Variants in SLC9A4 observed in about 807,000 individuals in gnomAD.
The protein encoded by SLC9A4 is sodium/hydrogen exchanger 4.
In SLC9A4, 63 loss-of-function variants were observed where a neutral mutation model predicts 67.4. That is an observed-to-expected ratio of 0.93 (90% confidence interval 0.76 to 1.15). SLC9A4 has a LOEUF of 1.15. Among genes scored for constraint, SLC9A4 ranks in the 50% most tolerant of loss-of-function variants. The pLI, the probability that SLC9A4 is intolerant of heterozygous loss-of-function variation, is 0.00. For synonymous variants in SLC9A4, 393 were observed against 367.2 expected (o/e 1.07, Z -0.80); for missense variants, 1,089 against 987.7 (o/e 1.10, Z -1.38).
At chr2:102,518,859 GAAAC>G (rs535926347) in intron 8 of SLC9A4, among the ~76,000 whole-genome samples, 18 of 152,156 alleles carry the variant, frequency 1.2e-4, no homozygotes, top group East Asian at 7.7e-4. Flanking sequence ...GCTGAGGCTA[GAAAC>G]AAACAAACAA....
At position 102,473,777 on chromosome 2, in the gene SLC9A4, C is replaced by A; in HGVS notation, c.18C>A (p.Phe6Leu). The A allele has an allele frequency of 6.2e-7, 1 of 1,613,888 alleles. No homozygotes were observed. ...CCACAGGAATGGCTCTGCAGATGTT[C>A]GTGACTTACAGTCCTTGGAATTGTT... The part of the protein sequence containing the change: MALQM[F>L]VTYSPWNCLL... Residue 6 changes from phenylalanine (F) to leucine (L), a missense_variant, in exon 1 of 12, where the codon TTC (phenylalanine) becomes TTA (leucine). Coordinates refer to ENST00000295269, the MANE Select transcript of SLC9A4 (RefSeq NM_001011552.4).
Position 102,533,203 on chromosome 2 carries a change from T to C in SLC9A4, c.*515T>C, listed in dbSNP as rs1424176252. The C allele has an allele frequency of 6.5e-6, 1 of 154,832 alleles. No individual in the cohort carries two copies. The highest frequency in any genetic ancestry group is 1.9e-4 in the East Asian group (1 of 5,380). 9.6% of individuals were successfully genotyped at this position (154,832 alleles called of 1,614,324 possible). On this transcript the variant is annotated 3_prime_UTR_variant, in exon 12 of 12. Transcript: ENST00000295269. ...TGAAACTAATTTGATTTTGATTTCA[T>C]ATTCAATATGCAATAATTATGTTCT... is the stretch of plus-strand genomic sequence containing the variant.
intron 7 of SLC9A4, 130 bp downstream of exon 7, chr2:102,512,403 G>A: frequency 1.1e-6 from 1 of 909,138 alleles, no homozygotes; most frequent in East Asian, 2.6e-5. Flanking sequence ...TCCCCTACAG[G>A]AAGTGGTTGA....
At chr2:102,522,152 C>A (rs1042518356) in intron 9 of SLC9A4, among the ~76,000 whole-genome samples, 1 of 152,222 alleles carries the variant, frequency 6.6e-6, no homozygotes, top group Non-Finnish European at 1.5e-5. Context: ...AAACTGGCTT[C>A]AGCCCAGACC....
chr2:102,506,190 T>C (rs1685047107), intron 4 of SLC9A4, among the ~76,000 whole-genome samples: 1 of 152,236 alleles, frequency 6.6e-6, no homozygotes, highest in South Asian at 2.1e-4. Context: ...ATGATTTATC[T>C]TGTACATTTA....
chr2:102,516,092 T>C (rs752619638), intron 8 of SLC9A4, among the ~76,000 whole-genome samples: 1 of 152,204 alleles, frequency 6.6e-6, no homozygotes, highest in Non-Finnish European at 1.5e-5. Flanking sequence ...AAAGCATATT[T>C]TGAATTTTTG....
chr2:102,496,677 T>A (rs1684816750), intron 2 of SLC9A4, among the ~76,000 whole-genome samples: 1 of 152,232 alleles, frequency 6.6e-6, no homozygotes. Context: ...GAATGTTGTA[T>A]AAATCTGTCT....
At chr2:102,476,978 T>C (rs1243313549) in intron 1 of SLC9A4, among the ~76,000 whole-genome samples, 2 of 152,184 alleles carry the variant, frequency 1.3e-5, no homozygotes. Flanking sequence ...GTGATAATTA[T>C]ACCCTGTTGT....
intron 8 of SLC9A4, among the ~76,000 whole-genome samples, chr2:102,517,153 C>T (rs1685291213): frequency 2.0e-5 from 3 of 152,172 alleles, no homozygotes; most frequent in Non-Finnish European, 2.9e-5. Context: ...AGCCACTCAT[C>T]ACTCATTCCA....
At chr2:102,528,538 T>C (rs1245410521) in intron 11 of SLC9A4, among the ~76,000 whole-genome samples, 1 of 152,128 alleles carries the variant, frequency 6.6e-6, no homozygotes, top group East Asian at 1.9e-4. Flanking sequence ...ATGCTAGGAT[T>C]ATAGGTGTGA....
At chr2:102,529,562 A>T (rs1434351951) in intron 11 of SLC9A4, among the ~76,000 whole-genome samples, 1 of 152,236 alleles carries the variant, frequency 6.6e-6, no homozygotes, top group Non-Finnish European at 1.5e-5. Flanking sequence ...TGATACATTT[A>T]AAAAGGATTA....
At position 102,479,218 on chromosome 2, in the gene SLC9A4, A is replaced by G. The variant is rs1409719126; in HGVS notation, c.636A>G (p.Leu212=). The change falls in exon 2 of 12, where the codon CTA becomes CTG. Residue 212 remains leucine, a synonymous_variant. Coordinates refer to ENST00000295269, the MANE Select transcript of SLC9A4 (RefSeq NM_001011552.4). ...CCGCCGTGGACCCAGTGGCCGTGCT[A>G]GCCGTGTTTGAGGAAGCGCGCGTGA... ...LISAVDPVAV[L]AVFEEARVNE... 6.2e-7 allele frequency: 1 copy of G among 1,614,158 alleles called. No individual in the cohort carries two copies. The highest frequency in any genetic ancestry group is 8.5e-7 in the Non-Finnish European group (1 of 1,180,012).
At chr2:102,515,433 T>C (rs915614805) in intron 8 of SLC9A4, among the ~76,000 whole-genome samples, 1 of 148,744 alleles carries the variant, frequency 6.7e-6, no homozygotes, top group African/African-American at 2.5e-5. Flanking sequence ...CTCAGTATAA[T>C]ACAAAGCTTT....
chr2:102,528,494 G>A (rs6709719), intron 11 of SLC9A4, among the ~76,000 whole-genome samples: 21,295 of 151,456 alleles, frequency 0.14, 1,713 homozygotes, highest in African/African-American at 0.21. Context: ...TCTAACTCCC[G>A]GGCACAAGGG....
chr2:102,528,111 G>C (rs953853842), intron 11 of SLC9A4, among the ~76,000 whole-genome samples: 2 of 152,070 alleles, frequency 1.3e-5, no homozygotes, highest in Admixed American at 1.3e-4. Context: ...GAGTTCAAGC[G>C]ATTCTCCTGG....
intron 8 of SLC9A4, among the ~76,000 whole-genome samples, chr2:102,516,860 G>T (rs930208248): frequency 6.6e-6 from 1 of 152,050 alleles, no homozygotes; most frequent in Non-Finnish European, 1.5e-5. Flanking sequence ...TAATTAAAGT[G>T]ATATTAAAAT....
intron 2 of SLC9A4, among the ~76,000 whole-genome samples, chr2:102,495,838 T>G (rs1384080936): frequency 6.6e-6 from 1 of 151,886 alleles, no homozygotes; most frequent in Non-Finnish European, 1.5e-5. Flanking sequence ...ACCCCTAACC[T>G]CAAGCCATAT....
rs761322485 is a variant in SLC9A4 at position 102,473,795 on chromosome 2, G to T, written c.36G>T (p.Trp12Cys). ...AGATGTTCGTGACTTACAGTCCTTGGAATTGTTTGCTACTGCTAGTGGCTC... is the reference window on the plus strand; with the variant it reads ...AGATGTTCGTGACTTACAGTCCTTGTAATTGTTTGCTACTGCTAGTGGCTC... ...ALQMFVTYSP[W>C]NCLLLLVALE... The change falls in exon 1 of 12, where the codon TGG becomes TGT. Residue 12 changes from tryptophan (W) to cysteine (C), a missense_variant. Coordinates refer to ENST00000295269, the MANE Select transcript of SLC9A4 (RefSeq NM_001011552.4). 3.7e-6 allele frequency: 6 copies of T among 1,614,096 alleles called. No individual in the cohort carries two copies. Among genetic ancestry groups the T allele is most frequent in the Non-Finnish European group, 5.1e-6 (6 of 1,179,952 alleles).
intron 4 of SLC9A4, among the ~76,000 whole-genome samples, chr2:102,506,845 C>T (rs1286523546): frequency 6.6e-6 from 1 of 152,116 alleles, no homozygotes; most frequent in East Asian, 1.9e-4. Context: ...CAACCCCATA[C>T]TCTTACAGTT....
Sources: gnomAD v4.1 joint callset for allele counts (sites outside exome capture counted in the v4.1 genomes callset) on GRCh38, gnomAD v4.1.1 for gene constraint, MANE v1.5 for transcripts, NCBI Gene and HGNC (gene_info 2026-07-23, HGNC 2026-07-21) for gene names.